HDAC4: variants seen among roughly 807,000 people sequenced by gnomAD.
The protein encoded by HDAC4 is histone deacetylase A.
HDAC4 carries 16 observed loss-of-function variants against 135.1 expected under a neutral mutation model. That is an observed-to-expected ratio of 0.12 (90% confidence interval 0.08 to 0.18). The LOEUF is 0.18. Among genes scored for constraint, HDAC4 ranks in the 10% least tolerant of loss-of-function variants. HDAC4 has a pLI of 1.00. For synonymous variants in HDAC4, 685 were observed against 653.4 expected, an observed-to-expected ratio of 1.05 and a Z score of -0.74; for missense variants, 1,143 against 1,511.8, an observed-to-expected ratio of 0.76 and a Z score of 4.05.
chr2:239,089,779 A>C, intron 18 of HDAC4: 1 of 542,742 alleles, frequency 1.8e-6, no homozygotes, highest in Non-Finnish European at 3.3e-6. Context: ...AAGGGTTCTT[A>C]AGACCCAAAT....
chr2:239,119,402 G>C (rs1178965221), intron 12 of HDAC4, among the ~76,000 whole-genome samples: 1 of 152,172 alleles, frequency 6.6e-6, no homozygotes, highest in Non-Finnish European at 1.5e-5. Context: ...GGAAGGAAAA[G>C]CAACAGGCTA....
Position 239,052,320 on chromosome 2 carries a change from G to GA in HDAC4, c.*776dup, listed in dbSNP as rs1377673347. On this transcript the variant is annotated 3_prime_UTR_variant, in exon 27 of 27. Coordinates refer to ENST00000543185, the MANE Select transcript of HDAC4 (RefSeq NM_001378414.1). ...CACTGCCAGGCTCGGCTGGCCACAG[G>GA]AAACTGTCCCACCGATTCCTGCTGT... 1 of 152,262 alleles carries GA rather than the reference G, an allele frequency of 6.6e-6. No individual in the cohort carries two copies. Among genetic ancestry groups the GA allele is most frequent in the Non-Finnish European group, 1.5e-5 (1 of 68,040 alleles). 9.4% of individuals were successfully genotyped at this position (152,262 alleles called of 1,614,324 possible). A position where few individuals can be genotyped will look rare whatever the true frequency, so the allele number is the denominator to read the frequency against.
At chr2:239,210,047 T>A (rs575682805) in intron 3 of HDAC4, among the ~76,000 whole-genome samples, 1 of 152,168 alleles carries the variant, frequency 6.6e-6, no homozygotes, top group Non-Finnish European at 1.5e-5. Context: ...GGCTTTCTCA[T>A]AGACAGCCGA....
intron 1 of HDAC4, among the ~76,000 whole-genome samples, chr2:239,367,909 C>T (rs971194042): frequency 6.6e-6 from 1 of 151,770 alleles, no homozygotes; most frequent in African/African-American, 2.4e-5. Context: ...ACCTGGGAGG[C>T]GGAGGTGGCA....
intron 4 of HDAC4, among the ~76,000 whole-genome samples, chr2:239,181,726 G>C (rs1014723451): frequency 6.6e-6 from 1 of 152,180 alleles, no homozygotes. Context: ...TGCTGCCAGC[G>C]CACTTGCACC....
chr2:239,108,331 T>C, intron 14 of HDAC4, 148 bp from the exon 15 acceptor site: 2 of 1,048,188 alleles, frequency 1.9e-6, no homozygotes, highest in Non-Finnish European at 2.8e-6. Context: ...ATACCACGTT[T>C]GCCAAGACTC....
At chr2:239,314,705 A>G (rs1361582377) in intron 2 of HDAC4, among the ~76,000 whole-genome samples, 1 of 152,256 alleles carries the variant, frequency 6.6e-6, no homozygotes. Flanking sequence ...CACGGAAGAA[A>G]TAAACCAGGA....
At chr2:239,107,699 G>C (rs2038279146) in intron 15 of HDAC4, among the ~76,000 whole-genome samples, 1 of 152,250 alleles carries the variant, frequency 6.6e-6, no homozygotes, top group Non-Finnish European at 1.5e-5. Flanking sequence ...GGGGAGCATG[G>C]TGGGAACTGG....
intron 2 of HDAC4, among the ~76,000 whole-genome samples, chr2:239,339,252 G>T (rs1692140609): frequency 6.6e-6 from 1 of 152,202 alleles, no homozygotes. Context: ...ACTGCTCACT[G>T]TCCCAGTGAA....
chr2:239,162,258 A>G (rs1040346849), intron 6 of HDAC4: 14 of 455,380 alleles, frequency 3.1e-5, no homozygotes, highest in Admixed American at 2.1e-4. Flanking sequence ...GCTGCCTCAC[A>G]GGGGGACCCA....
At position 239,068,676 on chromosome 2, in the gene HDAC4, G is replaced by A. The variant is rs2033839016; in HGVS notation, c.2751-69C>T. The A allele has an allele frequency of 7.4e-7, 1 of 1,343,816 alleles. No individual in the cohort carries two copies. Among genetic ancestry groups the A allele is most frequent in the African/African-American group, 1.4e-5 (1 of 69,836 alleles). The allele number at this position is 1,343,816 out of a possible 1,614,324, so 83.2% of individuals were successfully genotyped here. On this transcript the variant is annotated intron_variant, in intron 22 of 26. Transcript: ENST00000543185. This position sits in a 1 kb window ranked among gnomAD's most constrained non-coding sequence, Gnocchi z 4.4. ...GGACGGGACGGTCACAAAACCCCAA[G>A]GTTCCCTCTGGCATTGATAATGCCT...
chr2:239,262,445 A>G lies in HDAC4; in HGVS notation c.23-25781T>C, dbSNP rs1465480227. On this transcript the variant is annotated intron_variant, in intron 2 of 26. Coordinates refer to ENST00000543185, the MANE Select transcript of HDAC4 (RefSeq NM_001378414.1). The surrounding 1 kb of genome is among the most constrained non-coding windows in gnomAD (Gnocchi z 4.1). ...AAAAGAGAAGCTTTTGTGAAAGCAGAGATAGAAATTTAATTAGAAACAGAC... is the reference window on the plus strand; with the variant it reads ...AAAAGAGAAGCTTTTGTGAAAGCAGGGATAGAAATTTAATTAGAAACAGAC... Among the ~76,000 whole-genome samples the G allele has an allele frequency of 1.3e-5, 2 of 152,238 alleles. No individual in the cohort carries two copies. The highest frequency in any genetic ancestry group is 4.8e-5 in the African/African-American group (2 of 41,462).
intron 2 of HDAC4, among the ~76,000 whole-genome samples, chr2:239,297,110 C>T (rs376287427): frequency 2.0e-4 from 31 of 151,894 alleles, no homozygotes; most frequent in Admixed American, 1.0e-3. Context: ...GTCAGGGGCA[C>T]GGGTGGCTCC....
rs1011192117 is a variant in HDAC4, at chr2:239,400,122, A to G, written c.-220+856T>C. ...CGCAACGCCGGCAAACGCGGATCCCACCCCCGAGCGGGACCGGGCCCCGTC... is the reference window on the plus strand; with the variant it reads ...CGCAACGCCGGCAAACGCGGATCCCGCCCCCGAGCGGGACCGGGCCCCGTC... On this transcript the variant is annotated intron_variant, in intron 1 of 26. Coordinates refer to ENST00000543185, the MANE Select transcript of HDAC4 (RefSeq NM_001378414.1). This position sits in a 1 kb window ranked among gnomAD's most constrained non-coding sequence, Gnocchi z 4.7. Among the ~76,000 whole-genome samples the G allele has an allele frequency of 1.3e-5, 2 of 148,598 alleles. No individual in the cohort carries two copies. The highest frequency in any genetic ancestry group is 2.5e-5 in the African/African-American group (1 of 40,038).
At chr2:239,198,454 A>C (rs112662880) in intron 3 of HDAC4, among the ~76,000 whole-genome samples, 90 of 152,250 alleles carry the variant, frequency 5.9e-4, no homozygotes, top group African/African-American at 2.0e-3. Context: ...TCAGTGTACC[A>C]AGGGAGGGAC....
At chr2:239,200,311 T>C (rs558037690) in intron 3 of HDAC4, among the ~76,000 whole-genome samples, 2 of 152,334 alleles carry the variant, frequency 1.3e-5, no homozygotes, top group African/African-American at 2.4e-5. Flanking sequence ...CTGACTTACA[T>C]GTGATGTCAT....
intron 22 of HDAC4, among the ~76,000 whole-genome samples, chr2:239,077,219 G>T (rs779476146): frequency 3.9e-5 from 6 of 152,276 alleles, no homozygotes; most frequent in Non-Finnish European, 7.3e-5. Flanking sequence ...CAGGGCCAAG[G>T]TCTGGCTCTG....
intron 2 of HDAC4, among the ~76,000 whole-genome samples, chr2:239,341,003 C>A (rs138719029): frequency 1.6e-3 from 242 of 152,342 alleles, no homozygotes; most frequent in African/African-American, 5.7e-3. Context: ...CCACCATTAC[C>A]ATCAAGGACT....
At chr2:239,318,881 G>T (rs2053207803) in intron 2 of HDAC4, among the ~76,000 whole-genome samples, 1 of 152,154 alleles carries the variant, frequency 6.6e-6, no homozygotes, top group Admixed American at 6.5e-5. Flanking sequence ...AGGGGTAAGT[G>T]AAAACGCTTA....
Sources: gnomAD v4.1 joint callset for allele counts (sites outside exome capture counted in the v4.1 genomes callset) on GRCh38, gnomAD v4.1.1 for gene constraint, Gnocchi (gnomAD v3.1) non-coding constraint, MANE v1.5 for transcripts, NCBI Gene and HGNC (gene_info 2026-07-23, HGNC 2026-07-21) for gene names.